Variants in SPEF2 observed in about 807,000 individuals in gnomAD.
SPEF2 encodes sperm flagellar and cilia associated 2, also known as sperm flagella and cilia-associated protein 2.
In SPEF2, 187 loss-of-function variants were observed where a neutral mutation model predicts 224.6. That is an observed-to-expected ratio of 0.83 (90% CI 0.74 to 0.94). The LOEUF is 0.94. Among genes scored for constraint, SPEF2 ranks in the 40% least tolerant of loss-of-function variants. SPEF2 has a pLI of 0.00. For synonymous variants in SPEF2, 715 were observed against 707.3 expected (o/e 1.01, Z -0.17); for missense variants, 2,170 against 2,135.6 (o/e 1.02, Z -0.32).
chr5:35,784,706 C>A (rs1192082624), intron 30 of SPEF2, among the ~76,000 whole-genome samples: 1 of 151,532 alleles, frequency 6.6e-6, no homozygotes, highest in Non-Finnish European at 1.5e-5. Context: ...GAACTGTGAA[C>A]AAACAAGAGG....
At chr5:35,618,184 C>T in intron 1 of SPEF2, 129 bp downstream of exon 1, 2 of 973,112 alleles carry the variant, frequency 2.1e-6, no homozygotes, top group African/African-American at 1.6e-5. Flanking sequence ...CCTGCGTAGC[C>T]GGCAGCATCC....
intron 36 of SPEF2, among the ~76,000 whole-genome samples, chr5:35,809,434 A>G (rs147390998): frequency 9.1e-4 from 138 of 152,246 alleles, no homozygotes; most frequent in African/African-American, 3.2e-3. Flanking sequence ...CCCAAGAAGG[A>G]ATAAGCTAGG....
At chr5:35,677,657 G>A (rs1463851168) in intron 10 of SPEF2, among the ~76,000 whole-genome samples, 1 of 152,106 alleles carries the variant, frequency 6.6e-6, no homozygotes, top group African/African-American at 2.4e-5. Context: ...ATCATTTTGG[G>A]GTGACTGAAC....
intron 27 of SPEF2, among the ~76,000 whole-genome samples, 161 bp from the exon 28 acceptor site, chr5:35,773,732 A>G (rs761374596): frequency 2.6e-5 from 4 of 152,316 alleles, no homozygotes; most frequent in South Asian, 4.1e-4. Flanking sequence ...GAAAAATTCA[A>G]TATTTCATCA....
intron 8 of SPEF2, among the ~76,000 whole-genome samples, chr5:35,662,855 G>A (rs536611181): frequency 6.6e-5 from 10 of 152,182 alleles, no homozygotes; most frequent in Admixed American, 2.6e-4. Context: ...CAGGTAGTGC[G>A]ATGCTTCCAG....
In SPEF2 at chr5:35,628,996, G is replaced by A. The variant is rs187096855; in HGVS notation, c.161+434G>A. On this transcript the variant is annotated intron_variant, in intron 2 of 36. Transcript: ENST00000356031. ...CTTCCAAACCTTGAACACCCAAGCA[G>A]ACCATTGATATGGAAATTGTTCCTT... Among the ~76,000 whole-genome samples the A allele has an allele frequency of 6.6e-4, 100 of 152,084 alleles. 1 individual carries two copies. The highest frequency in any genetic ancestry group is 2.2e-3 in the African/African-American group (92 of 41,482).
intron 2 of SPEF2, among the ~76,000 whole-genome samples, chr5:35,641,091 A>G (rs2149400719): frequency 6.6e-6 from 1 of 152,302 alleles, no homozygotes; most frequent in South Asian, 2.1e-4. Flanking sequence ...TAGAGCCACT[A>G]CCTGAATGCA....
At position 35,739,518 on chromosome 5, in the gene SPEF2, G is replaced by A. The variant is rs114718648; in HGVS notation, c.3064-401G>A. ...CTGCCTCTGCCTCCCAAGTAGCTGG[G>A]ATTGGCACATGCCACCACACCTGGC... On this transcript the variant is annotated intron_variant, in intron 21 of 36. Transcript: ENST00000356031. Among the ~76,000 whole-genome samples, 707 of 152,276 alleles carry A rather than the reference G, an allele frequency of 4.6e-3. 10 individuals carry two copies. Among genetic ancestry groups the A allele is most frequent in the African/African-American group, 0.016 (667 of 41,568 alleles).
Position 35,807,238 on chromosome 5 carries a change from A to G in SPEF2, c.5364A>G (p.Ser1788=). 1 of 1,612,578 alleles carries G rather than the reference A, an allele frequency of 6.2e-7. No homozygotes were observed. The highest frequency in any genetic ancestry group is 8.5e-7 in the Non-Finnish European group (1 of 1,179,706). ...PFIQDLISNY[S]DYKFPDIKII... ...TTCAAGACCTGATTTCAAATTATTC[A>G]GACTATAAGTTTCCTGTGAGTATTA... The change falls in exon 36 of 37, where the codon TCA becomes TCG. Residue 1788 remains serine, a synonymous_variant. Transcript: ENST00000356031.
At chr5:35,700,348 G>A in intron 15 of SPEF2, 148 bp from the exon 16 acceptor site, 1 of 727,940 alleles carries the variant, frequency 1.4e-6, no homozygotes, top group Non-Finnish European at 2.2e-6. Context: ...TGGCACATCA[G>A]TAAACCTAAT....
intron 10 of SPEF2, 55 bp downstream of exon 10, chr5:35,670,282 A>T (rs1355827774): frequency 6.6e-7 from 1 of 1,521,024 alleles, no homozygotes; most frequent in Non-Finnish European, 8.8e-7. Flanking sequence ...TTTTTCTTTA[A>T]CATTAATTTT....
intron 23 of SPEF2, among the ~76,000 whole-genome samples, chr5:35,751,555 T>G (rs1333204701): frequency 6.6e-6 from 1 of 152,066 alleles, no homozygotes; most frequent in Non-Finnish European, 1.5e-5. Context: ...AGAGCATTTA[T>G]GGAAACACCA....
intron 13 of SPEF2, 127 bp downstream of exon 13, chr5:35,694,490 C>G: frequency 2.8e-6 from 2 of 725,214 alleles, no homozygotes; most frequent in East Asian, 2.8e-5. Context: ...ACATAGTTGT[C>G]TACATATGGC....
chr5:35,633,130 A>G (rs2149381605), intron 2 of SPEF2: 1 of 152,298 alleles, frequency 6.6e-6, no homozygotes. Flanking sequence ...TAAAGTGTGT[A>G]TAGATATCTG....
At position 35,629,151 on chromosome 5, in the gene SPEF2, C is replaced by CTTTT. The variant is rs768077049; in HGVS notation, c.161+612_161+615dup. Among the ~76,000 whole-genome samples the CTTTT allele has an allele frequency of 1.2e-3, 104 of 88,320 alleles. 21 individuals carry two copies. The highest frequency in any genetic ancestry group is 6.1e-3 in the African/African-American group (102 of 16,848). 57.9% of individuals were successfully genotyped at this position (88,320 alleles called of 152,430 possible). On this transcript the variant is annotated intron_variant, in intron 2 of 36. Transcript: ENST00000356031. Reference sequence around the variant, plus strand: ...TTTCTGTTTTGTTAATCGATTGTTCCTTTTTTTTTTTTTTTTTTTTTTTTT... The same window carrying CTTTT: ...TTTCTGTTTTGTTAATCGATTGTTCCTTTTTTTTTTTTTTTTTTTTTTTTTTTTT...
chr5:35,727,241 C>T (rs1192281970), intron 20 of SPEF2, among the ~76,000 whole-genome samples: 1 of 152,174 alleles, frequency 6.6e-6, no homozygotes, highest in East Asian at 1.9e-4. Context: ...ATCCTCCTTT[C>T]TCTCTGCCCT....
Position 35,763,631 on chromosome 5 carries a change from T to G in SPEF2, c.3730T>G (p.Ser1244Ala). ...KMDNSLENVESNFEADEKLVM... is the reference protein window; with the variant it reads ...KMDNSLENVEANFEADEKLVM... ...GGATAACTCCCTAGAAAACGTTGAG[T>G]CCAACTTTGAGGCCGATGAAAAGTT... The change falls in exon 26 of 37, where the codon TCC becomes GCC. Residue 1244 changes from serine to alanine, a missense_variant. Ser to Ala is a moderately conservative substitution (Grantham distance 99). Transcript: ENST00000356031. 1.2e-6 allele frequency: 2 copies of G among 1,613,922 alleles called. No individual in the cohort carries two copies. The highest frequency in any genetic ancestry group is 8.5e-7 in the Non-Finnish European group (1 of 1,179,916).
chr5:35,621,311 C>A (rs1396912169), intron 1 of SPEF2, among the ~76,000 whole-genome samples: 1 of 152,098 alleles, frequency 6.6e-6, no homozygotes, highest in Non-Finnish European at 1.5e-5. Flanking sequence ...CTGTTCTAAG[C>A]CCTTTACATA....
chr5:35,765,150 A>G (rs1251154465), intron 26 of SPEF2, among the ~76,000 whole-genome samples: 1 of 152,168 alleles, frequency 6.6e-6, no homozygotes, highest in Non-Finnish European at 1.5e-5. Context: ...ACCCAAGTCT[A>G]TAGCTCTAAA....
Sources: gnomAD v4.1 joint callset for allele counts (sites outside exome capture counted in the v4.1 genomes callset) on GRCh38, gnomAD v4.1.1 for gene constraint, MANE v1.5 for transcripts, NCBI Gene and HGNC (gene_info 2026-07-23, HGNC 2026-07-21) for gene names.